The following ABHD2 variants were observed in gnomAD, a reference collection of about 807,000 sequenced individuals.
The protein encoded by ABHD2 is monoacylglycerol lipase ABHD2.
ABHD2 carries 20 observed loss-of-function variants against 48.1 expected under a neutral mutation model. The observed-to-expected ratio is 0.42, with a 90% confidence interval of 0.29 to 0.60. The LOEUF (loss-of-function observed/expected upper bound fraction) is 0.60. ABHD2 is among the 20% of genes least tolerant of loss of function. ABHD2 has a pLI of 0.24. For synonymous variants in ABHD2, 209 were observed against 214.2 expected, an observed-to-expected ratio of 0.98 and a Z score of 0.21; for missense variants, 405 against 550.9, an observed-to-expected ratio of 0.74 and a Z score of 2.65.
chr15:89,093,173 C>CTTTTTTTTTTTTT (rs71149272), intron 1 of ABHD2, among the ~76,000 whole-genome samples: 10 of 71,780 alleles, frequency 1.4e-4, no homozygotes, highest in Non-Finnish European at 1.9e-4. Flanking sequence ...TTTTTTCATT[C>CTTTTTTTTTTTTT]TTTTTTTTTT....
the ABHD2 span, among the ~76,000 whole-genome samples, chr15:89,050,063 G>A: frequency 6.6e-6 from 1 of 152,168 alleles, no homozygotes; most frequent in Non-Finnish European, 1.5e-5. Flanking sequence ...ACTCCCTGAG[G>A]TAGAAAGAAT....
intron 3 of ABHD2, among the ~76,000 whole-genome samples, chr15:89,124,105 T>A (rs2050096254): frequency 6.6e-6 from 1 of 152,212 alleles, no homozygotes. Flanking sequence ...GCTATTTTTG[T>A]CCTAGTGTAC....
intron 3 of ABHD2, among the ~76,000 whole-genome samples, chr15:89,125,254 C>CAA (rs35053074): frequency 0.023 from 2,902 of 128,554 alleles, 74 homozygotes; most frequent in African/African-American, 0.065. Flanking sequence ...GACTCCATGT[C>CAA]AAAAAAAAAA....
chr15:89,126,948 C>T (rs966571740), intron 3 of ABHD2, among the ~76,000 whole-genome samples: 7 of 152,110 alleles, frequency 4.6e-5, no homozygotes, highest in African/African-American at 1.5e-4. Context: ...AGGAAATCTA[C>T]CCCTCCATGA....
chr15:89,144,718 A>T (rs145057875), intron 3 of ABHD2, among the ~76,000 whole-genome samples: 1 of 152,242 alleles, frequency 6.6e-6, no homozygotes, highest in Admixed American at 6.5e-5. Context: ...TGCTTCATGC[A>T]TACAGGCTTT....
upstream of ABHD2, among the ~76,000 whole-genome samples, chr15:89,083,828 A>T (rs1901315350): frequency 6.6e-6 from 1 of 152,222 alleles, no homozygotes; most frequent in Admixed American, 6.5e-5. This position sits in a 1 kb window ranked among gnomAD's most constrained non-coding sequence, Gnocchi z 5.1. Context: ...GTTTGTCCTC[A>T]TGGAACTATT....
intron 1 of ABHD2, among the ~76,000 whole-genome samples, chr15:89,099,302 A>C (rs950980937): frequency 2.0e-5 from 3 of 152,230 alleles, no homozygotes; most frequent in African/African-American, 7.2e-5. Context: ...CTTCATTTAA[A>C]GTTATCATGA....
chr15:89,102,705 G>A lies in ABHD2; in HGVS notation c.-106-11020G>A, dbSNP rs924285182. 2 of 152,280 alleles carry A rather than the reference G, an allele frequency of 1.3e-5. No homozygotes were observed. Among genetic ancestry groups the A allele is most frequent in the Admixed American group, 1.3e-4 (2 of 15,292 alleles). 9.4% of individuals were successfully genotyped at this position (152,280 alleles called of 1,614,324 possible). On this transcript the variant is annotated intron_variant, in intron 1 of 10. Coordinates refer to ENST00000352732, the MANE Select transcript of ABHD2 (RefSeq NM_152924.5). This position sits in a 1 kb window ranked among gnomAD's most constrained non-coding sequence, Gnocchi z 4.8. ...TGAGGAGGCAAGACGAATGTATTGG[G>A]AAAGCCCAGCGGAGGAAGAGCTCCT...
Position 89,137,153 on chromosome 15 carries a change from T to C in ABHD2, c.195-14524T>C, listed in dbSNP as rs6496556. Reference sequence around the variant, plus strand: ...CCAGTGGAACCCTGGAGACTGGAACTCTGGAGCTTCTTAATAAACTGCCTC... The same window carrying C: ...CCAGTGGAACCCTGGAGACTGGAACCCTGGAGCTTCTTAATAAACTGCCTC... On this transcript the variant is annotated intron_variant, in intron 3 of 10. Coordinates refer to ENST00000352732, the MANE Select transcript of ABHD2 (RefSeq NM_152924.5). The surrounding 1 kb of genome is among the most constrained non-coding windows in gnomAD (Gnocchi z 4.8). Among the ~76,000 whole-genome samples, 91,686 of 151,902 alleles carry C rather than the reference T, an allele frequency of 0.6. 27,859 individuals carry two copies. Among genetic ancestry groups the C allele is most frequent in the Non-Finnish European group, 0.64 (43,493 of 67,950 alleles).
chr15:89,081,695 A>G, the ABHD2 span, among the ~76,000 whole-genome samples: 1 of 152,176 alleles, frequency 6.6e-6, no homozygotes, highest in South Asian at 2.1e-4. Context: ...AAACACACAC[A>G]CAAAAATTAG....
At chr15:89,069,065 T>A in the ABHD2 span, among the ~76,000 whole-genome samples, 1 of 151,544 alleles carries the variant, frequency 6.6e-6, no homozygotes, top group African/African-American at 2.4e-5. Context: ...ACAGAAGATA[T>A]TGGTATGTCA....
chr15:89,141,139 A>C (rs987413562), intron 3 of ABHD2, among the ~76,000 whole-genome samples: 1 of 151,320 alleles, frequency 6.6e-6, no homozygotes, highest in Admixed American at 6.6e-5. Flanking sequence ...CAGCTAATTA[A>C]TTAATTAATT....
chr15:89,068,328 A>G, the ABHD2 span, among the ~76,000 whole-genome samples: 1 of 152,144 alleles, frequency 6.6e-6, no homozygotes, highest in African/African-American at 2.4e-5. Context: ...TTGCATACAG[A>G]GTCTTTGAGT....
rs1056327000 is a variant in ABHD2 at position 89,179,275 on chromosome 15, G to A, written c.722+3280G>A. On this transcript the variant is annotated intron_variant, in intron 6 of 10. Coordinates refer to ENST00000352732, the MANE Select transcript of ABHD2 (RefSeq NM_152924.5). This position sits in a 1 kb window ranked among gnomAD's most constrained non-coding sequence, Gnocchi z 4.3. ...CCAGGCCGCACAGCAGGAGGTGAGC[G>A]GTGGGCAGGTCACAGTGGGCAAAGC... Among the ~76,000 whole-genome samples, 3 of 152,164 alleles carry A rather than the reference G, an allele frequency of 2.0e-5. No individual in the cohort carries two copies. The highest frequency in any genetic ancestry group is 7.2e-5 in the African/African-American group (3 of 41,414).
rs563786835 is a variant in ABHD2, at chr15:89,153,231, T to G, written c.370+1379T>G. ...TCCTGCTTTAGTTCTTCGTGGTAGC[T>G]TCTACTCTCGAAACCTATTTGTGTG... On this transcript the variant is annotated intron_variant, in intron 4 of 10. Coordinates refer to ENST00000352732, the MANE Select transcript of ABHD2 (RefSeq NM_152924.5). 9.8e-5 allele frequency among the ~76,000 whole-genome samples: 15 copies of G among 152,332 alleles called. No homozygotes were observed. In the South Asian group the frequency reaches 2.9e-3, roughly 29 times the overall value.
chr15:89,096,751 G>A (rs886188795), intron 1 of ABHD2, among the ~76,000 whole-genome samples: 1 of 152,224 alleles, frequency 6.6e-6, no homozygotes, highest in Admixed American at 6.5e-5. Context: ...TTACTTATGG[G>A]TTTGGGAAAG....
chr15:89,194,101 T>TA lies in ABHD2; in HGVS notation c.1081+785dup, dbSNP rs1166461428. Among the ~76,000 whole-genome samples, 14 of 151,848 alleles carry TA rather than the reference T, an allele frequency of 9.2e-5. 1 individual carries two copies. Among genetic ancestry groups the TA allele is most frequent in the Admixed American group, 9.2e-4 (14 of 15,220 alleles). On this transcript the variant is annotated intron_variant, in intron 10 of 10. Coordinates refer to ENST00000352732, the MANE Select transcript of ABHD2 (RefSeq NM_152924.5). ...GCAAGATTCTGTCTCTAAAAATAAATAAATAGTAAAAAATAAAATAAAATT... is the reference window on the plus strand; with the variant it reads ...GCAAGATTCTGTCTCTAAAAATAAATAAAATAGTAAAAAATAAAATAAAATT...
At chr15:89,190,987 G>C (rs757948500) in intron 8 of ABHD2, 93 bp from the exon 9 acceptor site, 6 of 1,234,918 alleles carry the variant, frequency 4.9e-6, no homozygotes, top group Admixed American at 1.8e-5. Context: ...ACAAGTTAGC[G>C]TGAGGAACTG....
chr15:89,140,700 C>T (rs1300986883), intron 3 of ABHD2, among the ~76,000 whole-genome samples: 1 of 152,156 alleles, frequency 6.6e-6, no homozygotes, highest in African/African-American at 2.4e-5. Flanking sequence ...AGCCTCACGT[C>T]ACCTCTGCTG....
Sources: gnomAD v4.1 joint callset for allele counts (sites outside exome capture counted in the v4.1 genomes callset) on GRCh38, gnomAD v4.1.1 for gene constraint, Gnocchi (gnomAD v3.1) non-coding constraint, MANE v1.5 for transcripts, NCBI Gene and HGNC (gene_info 2026-07-23, HGNC 2026-07-21) for gene names.